Variants in CSMD1 observed in about 807,000 individuals in gnomAD.
CSMD1 encodes the protein CUB and Sushi multiple domains 1, also known as CUB and sushi domain-containing protein 1.
In CSMD1, 213 loss-of-function variants were observed where a neutral mutation model predicts 417.5. That is an observed-to-expected ratio of 0.51 (90% CI 0.46 to 0.57). CSMD1 has a LOEUF of 0.57. CSMD1 is among the 20% of genes least tolerant of loss of function. The pLI is 0.00. For missense variants in CSMD1, 6,923 were observed against 4,529.7 expected, an observed-to-expected ratio of 1.53 and a Z score of -15.17; for synonymous variants, 2,862 against 1,736.8, an observed-to-expected ratio of 1.65 and a Z score of -16.11.
chr8:3,166,079 T>G (rs1016616644), intron 37 of CSMD1, among the ~76,000 whole-genome samples: 1 of 152,008 alleles, frequency 6.6e-6, no homozygotes, highest in East Asian at 1.9e-4. Flanking sequence ...TGATAGGAAG[T>G]AGGCAGGGTG....
chr8:4,433,448 T>C (rs896292079), intron 2 of CSMD1, among the ~76,000 whole-genome samples: 1 of 152,058 alleles, frequency 6.6e-6, no homozygotes, highest in East Asian at 1.9e-4. Context: ...TAAAGGCAAT[T>C]CCCTGCGAGG....
chr8:3,863,935 C>T (rs1303224270), intron 5 of CSMD1, among the ~76,000 whole-genome samples: 1 of 152,102 alleles, frequency 6.6e-6, no homozygotes, highest in Non-Finnish European at 1.5e-5. Context: ...GGAAAAATGA[C>T]CTCCAGAGGT....
In CSMD1 at chr8:4,809,480, G is replaced by C. The variant is rs764445796; in HGVS notation, c.86-171922C>G. Among the ~76,000 whole-genome samples, 86 of 152,042 alleles carry C rather than the reference G, an allele frequency of 5.7e-4. 1 individual carries two copies. The highest frequency in any genetic ancestry group is 1.6e-4 in the Non-Finnish European group (11 of 68,016). On this transcript the variant is annotated intron_variant, in intron 1 of 69. Coordinates refer to ENST00000635120, the MANE Select transcript of CSMD1 (RefSeq NM_033225.6). ...GTATAAACTAACAAGAGACTTCCAGGGGATTGCCAATAGACATGAATAAGA... is the reference window on the plus strand; with the variant it reads ...GTATAAACTAACAAGAGACTTCCAGCGGATTGCCAATAGACATGAATAAGA...
intron 4 of CSMD1, among the ~76,000 whole-genome samples, chr8:4,026,907 T>G (rs944522657): frequency 6.6e-6 from 1 of 150,656 alleles, no homozygotes; most frequent in Non-Finnish European, 1.5e-5. Flanking sequence ...GAGCGAATTC[T>G]TTAAAAACCA....
At chr8:4,289,887 A>C (rs974383371) in intron 3 of CSMD1, among the ~76,000 whole-genome samples, 1 of 152,238 alleles carries the variant, frequency 6.6e-6, no homozygotes, top group Admixed American at 6.5e-5. Flanking sequence ...AAATGAAAAC[A>C]GGAATGAATC....
rs1014567297 is a variant in CSMD1, at chr8:3,205,381, C to A, written c.4984+123G>T. 5.1e-6 allele frequency: 3 copies of A among 584,486 alleles called. No individual in the cohort carries two copies. The African/African-American group carries it at 5.7e-5, about 11-fold the overall frequency. The allele number at this position is 584,486 out of a possible 1,614,324, so 36.2% of individuals were successfully genotyped here. On this transcript the variant is annotated intron_variant, in intron 31 of 69. Coordinates refer to ENST00000635120, the MANE Select transcript of CSMD1 (RefSeq NM_033225.6). ...GTTTGGAAGGCCTGCTACTTAAATG[C>A]AACTCATTTGCTTTTATATGAAATA...
chr8:4,500,987 T>C (rs1802232165), intron 2 of CSMD1, among the ~76,000 whole-genome samples: 1 of 152,112 alleles, frequency 6.6e-6, no homozygotes, highest in Non-Finnish European at 1.5e-5. Context: ...AAGAGGTTGA[T>C]GATGTCCAAA....
intron 10 of CSMD1, among the ~76,000 whole-genome samples, chr8:3,554,110 T>C (rs150894143): frequency 1.3e-5 from 2 of 152,372 alleles, no homozygotes; most frequent in African/African-American, 2.4e-5. Flanking sequence ...CTGTATTTAA[T>C]GCATGTCTAA....
chr8:3,809,535 C>T (rs530665457), intron 5 of CSMD1, among the ~76,000 whole-genome samples: 1 of 152,270 alleles, frequency 6.6e-6, no homozygotes, highest in South Asian at 2.1e-4. Context: ...AGTGGGTTCT[C>T]AAACATTGCC....
chr8:3,542,591 G>C (rs924266388), intron 10 of CSMD1, among the ~76,000 whole-genome samples: 18 of 152,194 alleles, frequency 1.2e-4, no homozygotes, highest in Non-Finnish European at 2.1e-4. Flanking sequence ...CGTGCTGTGA[G>C]CAGGCCTGGC....
chr8:4,869,714 A>G (rs1370946729), intron 1 of CSMD1, among the ~76,000 whole-genome samples: 2 of 152,062 alleles, frequency 1.3e-5, no homozygotes, highest in Non-Finnish European at 2.9e-5. Flanking sequence ...ATACCTTCCC[A>G]ATTCATGAAG....
intron 1 of CSMD1, among the ~76,000 whole-genome samples, chr8:4,896,291 T>G (rs1250767415): frequency 6.6e-6 from 1 of 152,128 alleles, no homozygotes. Context: ...TCGCTAATTA[T>G]GGGTCTCTTT....
chr8:3,429,033 G>A (rs1297460463), intron 12 of CSMD1, among the ~76,000 whole-genome samples: 1 of 152,130 alleles, frequency 6.6e-6, no homozygotes, highest in South Asian at 2.1e-4. Flanking sequence ...CCAGAGACTG[G>A]GGGAGGCAGG....
chr8:4,735,410 T>C lies in CSMD1; in HGVS notation c.86-97852A>G, dbSNP rs149681479. ...AATTTATCTGCCCCAAATAACCTTC[T>C]TTTTTCAGTAAGGGAGAGGATTATT... On this transcript the variant is annotated intron_variant, in intron 1 of 69. Coordinates refer to ENST00000635120, the MANE Select transcript of CSMD1 (RefSeq NM_033225.6). Among the ~76,000 whole-genome samples the C allele has an allele frequency of 1.1e-3, 172 of 152,276 alleles. 1 individual carries two copies. The highest frequency in any genetic ancestry group is 3.8e-3 in the African/African-American group (159 of 41,568).
intron 3 of CSMD1, among the ~76,000 whole-genome samples, chr8:4,141,364 T>C (rs1310214142): frequency 6.6e-6 from 1 of 151,220 alleles, no homozygotes; most frequent in African/African-American, 2.5e-5. Flanking sequence ...ATGAAGCTTG[T>C]ATGCTCCAAG....
At chr8:4,219,317 A>G (rs962438366) in intron 3 of CSMD1, among the ~76,000 whole-genome samples, 1 of 152,178 alleles carries the variant, frequency 6.6e-6, no homozygotes, top group Non-Finnish European at 1.5e-5. Flanking sequence ...CTCTCTCAGT[A>G]ATTTCATTCA....
chr8:3,650,611 T>G (rs1019376150), intron 7 of CSMD1, among the ~76,000 whole-genome samples: 2 of 152,154 alleles, frequency 1.3e-5, no homozygotes, highest in Non-Finnish European at 2.9e-5. Context: ...TTGCCATGAA[T>G]GTACTGAGCT....
intron 5 of CSMD1, among the ~76,000 whole-genome samples, chr8:3,963,311 C>G (rs185750285): frequency 3.2e-4 from 49 of 152,208 alleles, no homozygotes; most frequent in African/African-American, 1.1e-3. Flanking sequence ...ATCCATGGCT[C>G]TCACCCAGAT....
intron 5 of CSMD1, chr8:3,949,980 T>C (rs1435005503): frequency 2.2e-6 from 1 of 455,930 alleles, no homozygotes; most frequent in Admixed American, 2.4e-5. Flanking sequence ...GTCTCCAGGC[T>C]TGCATGAAAT....
Sources: gnomAD v4.1 joint callset for allele counts (sites outside exome capture counted in the v4.1 genomes callset) on GRCh38, gnomAD v4.1.1 for gene constraint, MANE v1.5 for transcripts, NCBI Gene and HGNC (gene_info 2026-07-23, HGNC 2026-07-21) for gene names.